NEMF: variants seen among roughly 807,000 people sequenced by gnomAD.
The protein encoded by NEMF is nuclear export mediator factor, also known as ribosome quality control complex subunit NEMF.
In NEMF, 89 loss-of-function variants were observed where a neutral mutation model predicts 162.2. The ratio of observed to expected loss-of-function variants is 0.55; its 90% CI spans 0.46 to 0.65. The LOEUF is 0.65. Ranked by LOEUF, NEMF falls within the 30% of genes least tolerant of loss-of-function variation. The pLI is 0.00. For missense variants in NEMF, 1,133 were observed against 1,261.9 expected, an observed-to-expected ratio of 0.90 and a Z score of 1.55; for synonymous variants, 421 against 404.5, an observed-to-expected ratio of 1.04 and a Z score of -0.49.
chr14:49,828,447 G>T (rs1892470150), intron 14 of NEMF, 93 bp from the exon 15 acceptor site: 8 of 974,610 alleles, frequency 8.2e-6, no homozygotes, highest in Middle Eastern at 3.2e-4. Flanking sequence ...AAATTATACA[G>T]AACAAATCAG....
At chr14:49,849,637 G>A (rs1390943609) in intron 3 of NEMF, 1 of 152,198 alleles carries the variant, frequency 6.6e-6, no homozygotes, top group Non-Finnish European at 1.5e-5. Context: ...ACCTATTAGT[G>A]TAGTCTGATT....
Position 49,828,340 on chromosome 14 carries a change from T to C in NEMF, c.1439A>G (p.Lys480Arg). Residue 480 changes from lysine to arginine, a missense_variant, in exon 15 of 33, where the codon AAG becomes AGG. Transcript: ENST00000298310. ...TTGTGTTTTCTTAGCAGCATATCTC[T>C]TGTGATCATAATACCTAGAAAAACA... ...YANAKKYYDH[K>R]RYAAKKTQKT... The C allele has an allele frequency of 6.3e-7, 1 of 1,583,874 alleles. No homozygotes were observed. The highest frequency in any genetic ancestry group is 8.6e-7 in the Non-Finnish European group (1 of 1,157,964).
intron 25 of NEMF, among the ~76,000 whole-genome samples, chr14:49,796,982 T>C (rs969245713): frequency 6.6e-6 from 1 of 152,184 alleles, no homozygotes; most frequent in South Asian, 2.1e-4. Context: ...TCCCCAAACA[T>C]CTGAACTCAC....
chr14:49,843,516 A>T (rs1893319104), intron 4 of NEMF, among the ~76,000 whole-genome samples: 1 of 152,208 alleles, frequency 6.6e-6, no homozygotes, highest in South Asian at 2.1e-4. Context: ...AATATTGCAT[A>T]AAAGAAGGCA....
chr14:49,800,168 G>A (rs1303146507), intron 23 of NEMF, among the ~76,000 whole-genome samples: 1 of 151,788 alleles, frequency 6.6e-6, no homozygotes, highest in Non-Finnish European at 1.5e-5. Flanking sequence ...AATTGCCTTT[G>A]TTATGTTTTT....
chr14:49,818,286 G>A (rs928719328), intron 16 of NEMF: 3 of 152,020 alleles, frequency 2.0e-5, no homozygotes, highest in Non-Finnish European at 4.4e-5. Flanking sequence ...TAGAGACGGG[G>A]TTTCACCGTG....
chr14:49,822,317 G>A (rs1892110776), intron 16 of NEMF, among the ~76,000 whole-genome samples: 1 of 140,922 alleles, frequency 7.1e-6, no homozygotes, highest in Non-Finnish European at 1.5e-5. Context: ...AAAAATAAAA[G>A]AATGATGCAC....
intron 3 of NEMF, among the ~76,000 whole-genome samples, chr14:49,850,595 T>C (rs1209796836): frequency 6.6e-6 from 1 of 152,132 alleles, no homozygotes; most frequent in African/African-American, 2.4e-5. Flanking sequence ...TCAATCTATA[T>C]GTTACATCAA....
At chr14:49,799,555 A>G (rs1310613542) in intron 24 of NEMF, 31 bp from the exon 25 acceptor site, 2 of 1,603,232 alleles carry the variant, frequency 1.2e-6, no homozygotes, top group Admixed American at 1.8e-5. Context: ...GCAAATGCAA[A>G]TATCACTATT....
intron 25 of NEMF, among the ~76,000 whole-genome samples, chr14:49,799,054 A>T (rs975791384): frequency 2.0e-4 from 31 of 151,804 alleles, no homozygotes; most frequent in African/African-American, 6.3e-4. Flanking sequence ...TCTCTACAAA[A>T]ACTATAAAAA....
intron 22 of NEMF, chr14:49,801,449 C>G (rs1005261842): frequency 1.3e-5 from 2 of 150,236 alleles, no homozygotes; most frequent in South Asian, 2.1e-4. Context: ...GATTGTGCCA[C>G]TGCACTCCAG....
At chr14:49,838,765 T>C (rs755856782) in intron 5 of NEMF, among the ~76,000 whole-genome samples, 106 of 152,026 alleles carry the variant, frequency 7.0e-4, no homozygotes, top group Non-Finnish European at 1.3e-4. Flanking sequence ...TTTGTATTTT[T>C]AGTAGAGACG....
chr14:49,814,987 C>G, intron 16 of NEMF, 130 bp from the exon 17 acceptor site: 1 of 590,284 alleles, frequency 1.7e-6, no homozygotes, highest in East Asian at 3.2e-5. Flanking sequence ...AGGCATCAAG[C>G]TTAATTTTAC....
At position 49,800,716 on chromosome 14, in the gene NEMF, A is replaced by G; in HGVS notation, c.2096-20T>C. On this transcript the variant is annotated intron_variant, in intron 22 of 32. Transcript: ENST00000298310. The stretch of plus-strand genomic sequence containing the variant: ...CTCCATCTGTAGAATTATCATAAGG[A>G]AAGTCAGTGTGGGACTACCAACCAA... 1 of 1,605,428 alleles carries G rather than the reference A, an allele frequency of 6.2e-7. No homozygotes were observed. The highest frequency in any genetic ancestry group is 2.2e-5 in the East Asian group (1 of 44,748).
chr14:49,795,778 T>C lies in NEMF; in HGVS notation c.2619+13A>G, dbSNP rs1387102490. The C allele has an allele frequency of 1.0e-5, 16 of 1,603,608 alleles. No homozygotes were observed. Among genetic ancestry groups the C allele is most frequent in the Non-Finnish European group, 1.4e-5 (16 of 1,177,400 alleles). ...AATTAACTGTGAACCATATAGATCA[T>C]CCTGAAGTTTACCTTTTGTCCTCGT... On this transcript the variant is annotated intron_variant, in intron 26 of 32. Coordinates refer to ENST00000298310, the MANE Select transcript of NEMF (RefSeq NM_004713.6).
intron 24 of NEMF, 39 bp from the exon 25 acceptor site, chr14:49,799,563 A>G: frequency 6.2e-7 from 1 of 1,600,808 alleles, no homozygotes; most frequent in Non-Finnish European, 8.5e-7. Context: ...AAATATCACT[A>G]TTAACTTTTT....
At chr14:49,809,212 C>T (rs184811430) in intron 18 of NEMF, among the ~76,000 whole-genome samples, 1 of 152,286 alleles carries the variant, frequency 6.6e-6, no homozygotes, top group Non-Finnish European at 1.5e-5. Flanking sequence ...TATATCTGTA[C>T]AAAAACCTGC....
intron 6 of NEMF, among the ~76,000 whole-genome samples, chr14:49,837,815 TAA>T (rs10709373): frequency 2.0e-3 from 249 of 122,730 alleles, no homozygotes; most frequent in East Asian, 3.5e-3. Flanking sequence ...ACCCACCAAT[TAA>T]AAAAAAAAAA....
intron 7 of NEMF, chr14:49,834,017 T>C (rs550737824): frequency 9.9e-6 from 4 of 403,488 alleles, no homozygotes; most frequent in African/African-American, 8.2e-5. Context: ...AGTGCACTGA[T>C]TTAGTATATT....
Sources: allele counts gnomAD v4.1 joint callset (sites outside exome capture counted in the v4.1 genomes callset), GRCh38; gene constraint gnomAD v4.1.1; transcripts MANE v1.5; gene names NCBI Gene and HGNC (gene_info 2026-07-23, HGNC 2026-07-21).